The following N4BP2 variants were observed in gnomAD, a reference collection of about 807,000 sequenced individuals.
N4BP2 encodes NEDD4-binding protein 2.
A neutral mutation model predicts 152.8 loss-of-function variants in N4BP2; 91 were observed. The ratio of observed to expected loss-of-function variants is 0.60; its 90% CI spans 0.50 to 0.71. The LOEUF is 0.71. Ranked by LOEUF, N4BP2 falls within the 30% of genes least tolerant of loss-of-function variation. The pLI is 0.00. For missense variants in N4BP2, 1,923 were observed against 2,059.1 expected (o/e 0.93, Z 1.28); for synonymous variants, 646 against 705.3 (o/e 0.92, Z 1.33).
chr4:40,152,335 C>T (rs903690481), intron 16 of N4BP2, among the ~76,000 whole-genome samples: 1 of 152,160 alleles, frequency 6.6e-6, no homozygotes, highest in African/African-American at 2.4e-5. Flanking sequence ...TGATTCAGAA[C>T]AAAGCTTGAT....
chr4:40,096,128 G>A (rs767311574), intron 2 of N4BP2, among the ~76,000 whole-genome samples: 3 of 152,160 alleles, frequency 2.0e-5, no homozygotes, highest in South Asian at 2.1e-4. Context: ...TAGACTGCCT[G>A]TAGTTCTATT....
intron 1 of N4BP2, among the ~76,000 whole-genome samples, chr4:40,058,554 A>G (rs1436512675): frequency 1.3e-5 from 2 of 152,154 alleles, no homozygotes; most frequent in Admixed American, 6.6e-5. Context: ...ATAAAGAATA[A>G]AGCAGTTGAA....
chr4:40,137,940 C>CA (rs1719557281), intron 14 of N4BP2, among the ~76,000 whole-genome samples: 2 of 152,254 alleles, frequency 1.3e-5, no homozygotes, highest in South Asian at 4.1e-4. Flanking sequence ...AAGTTGGAGG[C>CA]ATAGTTTCTG....
At position 40,111,450 on chromosome 4, in the gene N4BP2, A is replaced by G. The variant is rs181141042; in HGVS notation, c.1499-634A>G. Among the ~76,000 whole-genome samples the G allele has an allele frequency of 2.8e-3, 423 of 152,054 alleles. 3 individuals are homozygous for G. The highest frequency in any genetic ancestry group is 9.6e-3 in the African/African-American group (400 of 41,462). On this transcript the variant is annotated intron_variant, in intron 5 of 17. Coordinates refer to ENST00000261435, the MANE Select transcript of N4BP2 (RefSeq NM_018177.6). Reference sequence around the variant, plus strand: ...ATTCTGCTGTCTCAGCCTCCCAAGTAGTTGGGACTACAGGTGCGTGCCACC... The same window carrying G: ...ATTCTGCTGTCTCAGCCTCCCAAGTGGTTGGGACTACAGGTGCGTGCCACC...
the N4BP2 span, among the ~76,000 whole-genome samples, chr4:40,183,023 A>G: frequency 2.6e-5 from 4 of 152,202 alleles, no homozygotes; most frequent in African/African-American, 9.7e-5. Flanking sequence ...TCCAACATTT[A>G]GAAAATAGAG....
chr4:40,103,505 G>A (rs1011477952), intron 4 of N4BP2, among the ~76,000 whole-genome samples: 6 of 152,164 alleles, frequency 3.9e-5, no homozygotes, highest in Admixed American at 6.6e-5. Flanking sequence ...GCTAATTTGA[G>A]TGGGAGAAAG....
In N4BP2 at chr4:40,152,951, C is replaced by A. The variant is rs1469246735; in HGVS notation, c.5267+48C>A. On this transcript the variant is annotated intron_variant, in intron 17 of 17. Coordinates refer to ENST00000261435, the MANE Select transcript of N4BP2 (RefSeq NM_018177.6). ...AATAATGGCAACTGCCCATATAGAT[C>A]TTTATCAGATATTTCTGTGAGTATA... is the stretch of plus-strand genomic sequence containing the variant. 7 of 1,583,038 alleles carry A rather than the reference C, an allele frequency of 4.4e-6. No individual in the cohort carries two copies. The African/African-American group carries it at 5.4e-5, about 12-fold the overall frequency.
chr4:40,115,493 C>T (rs1443966396), intron 7 of N4BP2, among the ~76,000 whole-genome samples: 1 of 152,148 alleles, frequency 6.6e-6, no homozygotes, highest in Non-Finnish European at 1.5e-5. Context: ...GAGACTCTGT[C>T]TCCCAATAAA....
chr4:40,103,506 T>C (rs1419730184), intron 4 of N4BP2, among the ~76,000 whole-genome samples: 4 of 152,124 alleles, frequency 2.6e-5, no homozygotes, highest in South Asian at 4.1e-4. Flanking sequence ...CTAATTTGAG[T>C]GGGAGAAAGA....
chr4:40,149,882 G>C (rs1720980771), intron 16 of N4BP2, among the ~76,000 whole-genome samples: 1 of 148,904 alleles, frequency 6.7e-6, no homozygotes, highest in African/African-American at 2.5e-5. Context: ...GGGTGACAGA[G>C]CGAGACTCCA....
chr4:40,184,288 G>A, the N4BP2 span, among the ~76,000 whole-genome samples: 6 of 151,602 alleles, frequency 4.0e-5, no homozygotes, highest in African/African-American at 1.5e-4. Flanking sequence ...CTAGAATGGA[G>A]AAACAGGCCC....
the N4BP2 span, among the ~76,000 whole-genome samples, chr4:40,175,400 T>A: frequency 2.9e-5 from 4 of 137,720 alleles, no homozygotes; most frequent in Non-Finnish European, 6.3e-5. Flanking sequence ...TGGGGCAGGG[T>A]GGGAGGTAGG....
Position 40,157,128 on chromosome 4 carries a change from T to C in N4BP2, c.*2891T>C, listed in dbSNP as rs988501965. 12 of 152,148 alleles carry C rather than the reference T, an allele frequency of 7.9e-5. No homozygotes were observed. The highest frequency in any genetic ancestry group is 2.9e-4 in the African/African-American group (12 of 41,452). The allele number at this position is 152,148 out of a possible 1,614,324, so 9.4% of individuals were successfully genotyped here. A position where few individuals can be genotyped will look rare whatever the true frequency, so the allele number is the denominator to read the frequency against. On this transcript the variant is annotated 3_prime_UTR_variant, in exon 18 of 18. Coordinates refer to ENST00000261435, the MANE Select transcript of N4BP2 (RefSeq NM_018177.6). ...TGTGGAAACCCCAGAGGGTGTCCAGTTGGACCAGGGAGATATTAGACACTT... is the reference window on the plus strand; with the variant it reads ...TGTGGAAACCCCAGAGGGTGTCCAGCTGGACCAGGGAGATATTAGACACTT...
At chr4:40,107,161 A>T (rs974681158) in intron 5 of N4BP2, 137 bp downstream of exon 5, 17 of 815,042 alleles carry the variant, frequency 2.1e-5, no homozygotes, top group Non-Finnish European at 3.1e-5. Flanking sequence ...GTGCAGTGGC[A>T]TGATCTTGGC....
chr4:40,189,337 T>C, the N4BP2 span, among the ~76,000 whole-genome samples: 1 of 152,080 alleles, frequency 6.6e-6, no homozygotes, highest in East Asian at 1.9e-4. The surrounding 1 kb of genome is among the most constrained non-coding windows in gnomAD (Gnocchi z 4.3). Flanking sequence ...TGGCAGTCTG[T>C]GATGGAAAAG....
downstream of N4BP2, among the ~76,000 whole-genome samples, chr4:40,162,943 A>AC (rs1219223151): frequency 6.6e-6 from 1 of 152,028 alleles, no homozygotes; most frequent in African/African-American, 2.4e-5. Context: ...AGGGGAGAGG[A>AC]CCCCATGTGG....
At chr4:40,091,712 C>T (rs1714565505) in intron 2 of N4BP2, among the ~76,000 whole-genome samples, 2 of 141,614 alleles carry the variant, frequency 1.4e-5, no homozygotes, top group South Asian at 4.4e-4. Flanking sequence ...CCTAAGTGAT[C>T]CTTTCACCTC....
chr4:40,186,129 G>T, the N4BP2 span, among the ~76,000 whole-genome samples: 1 of 152,194 alleles, frequency 6.6e-6, no homozygotes, highest in Non-Finnish European at 1.5e-5. Context: ...AAAAGCCTCT[G>T]GAATCCCTTG....
At chr4:40,137,466 A>G (rs1213074305) in intron 14 of N4BP2, among the ~76,000 whole-genome samples, 2 of 152,226 alleles carry the variant, frequency 1.3e-5, no homozygotes, top group Non-Finnish European at 2.9e-5. Context: ...TATTTCCACT[A>G]GAACAGTATG....
Sources: gnomAD v4.1 joint callset for allele counts (sites outside exome capture counted in the v4.1 genomes callset) on GRCh38, gnomAD v4.1.1 for gene constraint, Gnocchi (gnomAD v3.1) non-coding constraint, MANE v1.5 for transcripts, NCBI Gene and HGNC (gene_info 2026-07-23, HGNC 2026-07-21) for gene names.